The following DGKB variants were observed in gnomAD, a reference collection of about 807,000 sequenced individuals.
DGKB encodes 90 kDa diacylglycerol kinase.
Under a neutral mutation model 114.3 loss-of-function variants are expected in DGKB, and 67 were observed. The ratio of observed to expected loss-of-function variants is 0.59; its 90% CI spans 0.48 to 0.72. The LOEUF (loss-of-function observed/expected upper bound fraction) is 0.72. Among genes scored for constraint, DGKB ranks in the 30% least tolerant of loss-of-function variants. The pLI is 0.00. For synonymous variants in DGKB, 398 were observed against 323.1 expected (o/e 1.23, Z -2.49); for missense variants, 907 against 975.2 (o/e 0.93, Z 0.93).
intron 21 of DGKB, among the ~76,000 whole-genome samples, chr7:14,405,471 G>A (rs1823791942): frequency 6.6e-6 from 1 of 151,972 alleles, no homozygotes; most frequent in South Asian, 2.1e-4. Flanking sequence ...CTTGTAGTAA[G>A]AATTAAATGA....
At chr7:14,667,189 G>C (rs1818190277) in intron 13 of DGKB, among the ~76,000 whole-genome samples, 1 of 151,898 alleles carries the variant, frequency 6.6e-6, no homozygotes, top group Non-Finnish European at 1.5e-5. Context: ...CAACGATTGG[G>C]GAGGAATGGG....
At chr7:14,425,055 T>C (rs562346045) in intron 21 of DGKB, among the ~76,000 whole-genome samples, 2 of 152,272 alleles carry the variant, frequency 1.3e-5, no homozygotes, top group East Asian at 1.9e-4. Flanking sequence ...ACATATGATA[T>C]AGAACATTAA....
chr7:14,631,263 C>CAAAAAAAAA (rs35088925), intron 13 of DGKB, among the ~76,000 whole-genome samples: 133 of 98,304 alleles, frequency 1.4e-3, no homozygotes, highest in East Asian at 2.1e-3. Context: ...CAGCAAGAAC[C>CAAAAAAAAA]AAAAAAAAAA....
chr7:14,829,069 T>G (rs1339078290), intron 2 of DGKB, among the ~76,000 whole-genome samples: 1 of 152,110 alleles, frequency 6.6e-6, no homozygotes, highest in Non-Finnish European at 1.5e-5. Flanking sequence ...ATGATGTGTC[T>G]TATTGAAAGC....
intron 21 of DGKB, among the ~76,000 whole-genome samples, chr7:14,458,449 C>G (rs571438349): frequency 4.6e-5 from 7 of 152,264 alleles, no homozygotes; most frequent in Non-Finnish European, 7.3e-5. Flanking sequence ...CAGCTCCCAG[C>G]GAAATCAATG....
intron 21 of DGKB, among the ~76,000 whole-genome samples, chr7:14,353,598 A>C (rs998970613): frequency 6.6e-6 from 1 of 152,334 alleles, no homozygotes; most frequent in Middle Eastern, 3.4e-3. Flanking sequence ...CGTGAGAGAT[A>C]CATAAATAGA....
intron 2 of DGKB, among the ~76,000 whole-genome samples, chr7:14,817,534 T>C (rs1362279747): frequency 1.3e-5 from 2 of 152,176 alleles, no homozygotes; most frequent in African/African-American, 4.8e-5. Context: ...AATTTAAAAA[T>C]GAAGTAAACA....
intron 23 of DGKB, among the ~76,000 whole-genome samples, chr7:14,254,698 C>T (rs1468162946): frequency 6.6e-6 from 1 of 152,126 alleles, no homozygotes; most frequent in African/African-American, 2.4e-5. Context: ...CTTCTAGTTA[C>T]CTAAAAATCT....
intron 23 of DGKB, among the ~76,000 whole-genome samples, chr7:14,255,031 G>T (rs1394562168): frequency 6.6e-6 from 1 of 151,948 alleles, no homozygotes; most frequent in Non-Finnish European, 1.5e-5. Flanking sequence ...TTATAGTAAC[G>T]ATATAAAAAA....
chr7:14,691,507 A>T (rs906022970), intron 9 of DGKB, among the ~76,000 whole-genome samples: 6 of 152,174 alleles, frequency 3.9e-5, no homozygotes, highest in African/African-American at 1.4e-4. Context: ...CTCAATTGCT[A>T]AAAAAGGTTC....
chr7:14,383,372 T>C (rs1259363946), intron 21 of DGKB, among the ~76,000 whole-genome samples: 1 of 152,234 alleles, frequency 6.6e-6, no homozygotes, highest in Non-Finnish European at 1.5e-5. Flanking sequence ...TTTAAACTTG[T>C]AGAGTATTGC....
intron 21 of DGKB, among the ~76,000 whole-genome samples, chr7:14,404,924 C>G: frequency 6.6e-6 from 1 of 151,834 alleles, no homozygotes; most frequent in East Asian, 1.9e-4. Context: ...CAGACCAGTG[C>G]TGTGTCCCCA....
intron 2 of DGKB, among the ~76,000 whole-genome samples, chr7:14,806,779 C>T (rs1163070345): frequency 6.6e-6 from 1 of 151,882 alleles, no homozygotes; most frequent in Non-Finnish European, 1.5e-5. Flanking sequence ...TTTAAGAATC[C>T]CTGATGCTGC....
intron 21 of DGKB, among the ~76,000 whole-genome samples, chr7:14,463,968 A>T (rs1468393872): frequency 6.6e-6 from 1 of 152,102 alleles, no homozygotes; most frequent in East Asian, 1.9e-4. Context: ...ATAACTGAGA[A>T]TAAAAATAAG....
chr7:14,838,496 T>C (rs896055773), intron 2 of DGKB, among the ~76,000 whole-genome samples: 1 of 152,130 alleles, frequency 6.6e-6, no homozygotes, highest in Non-Finnish European at 1.5e-5. Context: ...AATCCCTTCT[T>C]TTAAAACTGG....
Position 14,148,962 on chromosome 7 carries a change from A to G in DGKB, c.*169T>C. On this transcript the variant is annotated 3_prime_UTR_variant, in exon 26 of 26. Coordinates refer to ENST00000402815, the MANE Select transcript of DGKB (RefSeq NM_001350709.2). ...AAAGATGCCTATAAAAACTGAGACAATAAATTTTCTAATAGCTGAATTTTA... is the reference window on the plus strand; with the variant it reads ...AAAGATGCCTATAAAAACTGAGACAGTAAATTTTCTAATAGCTGAATTTTA... 1.6e-6 allele frequency: 1 copy of G among 627,048 alleles called. No individual in the cohort carries two copies. Among genetic ancestry groups the G allele is most frequent in the Non-Finnish European group, 2.8e-6 (1 of 361,214 alleles). The allele number at this position is 627,048 out of a possible 1,614,324, so 38.8% of individuals were successfully genotyped here.
intron 23 of DGKB, among the ~76,000 whole-genome samples, chr7:14,263,247 G>A (rs545289384): frequency 3.9e-5 from 6 of 152,076 alleles, no homozygotes; most frequent in Admixed American, 3.3e-4. Flanking sequence ...GTATTACTAC[G>A]ATTGTCATCA....
At chr7:14,177,177 G>A (rs1450023372) in intron 24 of DGKB, among the ~76,000 whole-genome samples, 2 of 152,052 alleles carry the variant, frequency 1.3e-5, no homozygotes, top group Admixed American at 6.6e-5. Context: ...TTAATGACAC[G>A]ATCAGAATTT....
rs150365170 is a variant in DGKB, at chr7:14,321,066, G to A, written c.2122+17449C>T. Among the ~76,000 whole-genome samples, 44 of 152,174 alleles carry A rather than the reference G, an allele frequency of 2.9e-4. No individual in the cohort carries two copies. In the East Asian group the frequency reaches 6.6e-3, roughly 23 times the overall value. On this transcript the variant is annotated intron_variant, in intron 23 of 25. Coordinates refer to ENST00000402815, the MANE Select transcript of DGKB (RefSeq NM_001350709.2). The stretch of plus-strand genomic sequence containing the variant: ...AGCACTTTGGGAGGATGAGGCGGGC[G>A]GATGACTTGAGCCCAGGAGTTTGAG...
Sources: allele counts gnomAD v4.1 joint callset (sites outside exome capture counted in the v4.1 genomes callset), GRCh38; gene constraint gnomAD v4.1.1; transcripts MANE v1.5; gene names NCBI Gene and HGNC (gene_info 2026-07-23, HGNC 2026-07-21).